Variants in SIAE observed in about 807,000 individuals in gnomAD.
SIAE encodes the protein sialate O-acetylesterase.
A neutral mutation model predicts 52.6 loss-of-function variants in SIAE; 39 were observed. The observed-to-expected ratio is 0.74, with a 90% CI of 0.57 to 0.97. SIAE has a LOEUF of 0.97. Among genes scored for constraint, SIAE ranks in the 50% least tolerant of loss-of-function variants. The pLI is 0.00. For missense variants in SIAE, 592 were observed against 662.1 expected, an observed-to-expected ratio of 0.89 and a Z score of 1.16; for synonymous variants, 233 against 241.4, an observed-to-expected ratio of 0.97 and a Z score of 0.32.
chr11:124,644,021 G>GA (rs1942889751), intron 7 of SIAE, among the ~76,000 whole-genome samples: 1 of 152,156 alleles, frequency 6.6e-6, no homozygotes, highest in South Asian at 2.1e-4. Flanking sequence ...TGCTCTCTGA[G>GA]TTGCTCCAGA....
In SIAE at chr11:124,648,105, G is replaced by C; in HGVS notation, c.793C>G (p.Leu265Val). 6.2e-7 allele frequency: 1 copy of C among 1,614,128 alleles called. No homozygotes were observed. Among genetic ancestry groups the C allele is most frequent in the Admixed American group, 1.7e-5 (1 of 60,028 alleles). ...SVLWNAMIHP[L>V]CNMTLKGVVW... ...ACCCCTTTCAGAGTCATATTGCACA[G>C]TGGATGGATCATGGCATTCCAGAGA... is the stretch of plus-strand genomic sequence containing the variant. The change falls in exon 6 of 10, where the codon CTG becomes GTG. Residue 265 changes from leucine (L) to valine (V), a missense_variant. Transcript: ENST00000263593.
chr11:124,649,379 C>G (rs1282635494), intron 5 of SIAE, among the ~76,000 whole-genome samples: 1 of 151,786 alleles, frequency 6.6e-6, no homozygotes, highest in East Asian at 1.9e-4. Flanking sequence ...AAAAAGCTTT[C>G]AGTAACCACT....
chr11:124,648,076 T>C lies in SIAE; in HGVS notation c.822A>G (p.Val274=), dbSNP rs573664867. ...PLCNMTLKGV[V]WYQGESNINY... ...ACACTGAACACTTACCCTGGTACCATACTACCCCTTTCAGAGTCATATTGC... is the reference window on the plus strand; with the variant it reads ...ACACTGAACACTTACCCTGGTACCACACTACCCCTTTCAGAGTCATATTGC... The change falls in exon 6 of 10, where the codon GTA becomes GTG. Residue 274 remains valine (V), a synonymous_variant. Transcript: ENST00000263593. 6.2e-6 allele frequency: 10 copies of C among 1,612,626 alleles called. No individual in the cohort carries two copies. In the South Asian group the frequency reaches 8.8e-5, roughly 14 times the overall value.
chr11:124,674,928 G>C (rs79581706), upstream of SIAE: 569 of 168,898 alleles, frequency 3.4e-3, 2 homozygotes, highest in Non-Finnish European at 5.4e-3. Flanking sequence ...ATTCCTGTGT[G>C]ATAGCAAAAA....
chr11:124,648,718 A>G (rs1299060646), intron 5 of SIAE, among the ~76,000 whole-genome samples: 2 of 150,968 alleles, frequency 1.3e-5, no homozygotes, highest in Non-Finnish European at 2.9e-5. Flanking sequence ...GAATATTTAT[A>G]TGAATTTATC....
upstream of SIAE, chr11:124,675,139 C>T (rs972006218): frequency 7.4e-6 from 9 of 1,220,160 alleles, no homozygotes; most frequent in Admixed American, 5.0e-5. Context: ...GAATTCAAGT[C>T]CAGATGTATG....
At chr11:124,646,448 T>C (rs1221989965) in intron 7 of SIAE, among the ~76,000 whole-genome samples, 2 of 152,074 alleles carry the variant, frequency 1.3e-5, no homozygotes, top group Non-Finnish European at 2.9e-5. Flanking sequence ...AACTAATATG[T>C]AGGCTGTCTG....
chr11:124,663,976 G>A (rs941927663), intron 2 of SIAE, among the ~76,000 whole-genome samples: 2 of 152,120 alleles, frequency 1.3e-5, no homozygotes, highest in Admixed American at 1.3e-4. Context: ...GCTATTCCAG[G>A]CCAGGCCCAG....
chr11:124,673,840 G>C, upstream of SIAE: 2 of 896,234 alleles, frequency 2.2e-6, no homozygotes, highest in South Asian at 3.6e-5. Flanking sequence ...GGACTGGGCT[G>C]TACTCGCCCC....
chr11:124,648,471 G>T (rs1042268488), intron 5 of SIAE, among the ~76,000 whole-genome samples: 1 of 120,534 alleles, frequency 8.3e-6, no homozygotes, highest in Non-Finnish European at 1.5e-5. Context: ...CTCACATTGT[G>T]GGGGGGGGCC....
intron 1 of SIAE, among the ~76,000 whole-genome samples, chr11:124,672,304 T>TGAGGAGCTCCGGATGCATTGGC (rs1431958908): frequency 2.0e-5 from 3 of 152,186 alleles, no homozygotes; most frequent in Admixed American, 6.5e-5. Context: ...TTGCCTCTGG[T>TGAGGAGCTCCGGATGCATTGGC]GAGGAGCTCC....
chr11:124,651,408 T>C (rs777926736), intron 4 of SIAE, among the ~76,000 whole-genome samples: 14 of 151,758 alleles, frequency 9.2e-5, no homozygotes, highest in Non-Finnish European at 1.9e-4. Flanking sequence ...ATTAGCTGGG[T>C]GTGGTGGCGC....
upstream of SIAE, chr11:124,675,419 G>A (rs755923651): frequency 6.9e-6 from 11 of 1,601,198 alleles, no homozygotes; most frequent in African/African-American, 1.4e-4. Flanking sequence ...AAAAGAGAGA[G>A]TAAGCTTTCT....
chr11:124,646,914 A>AC (rs1942943789), intron 7 of SIAE, among the ~76,000 whole-genome samples: 1 of 152,254 alleles, frequency 6.6e-6, no homozygotes, highest in African/African-American at 2.4e-5. Flanking sequence ...ATTGAAGATT[A>AC]ATATTTATTG....
chr11:124,637,138 T>C lies in SIAE; in HGVS notation c.1385A>G (p.Gln462Arg), dbSNP rs143668140. 1.4e-4 allele frequency: 218 copies of C among 1,614,006 alleles called. No individual in the cohort carries two copies. The highest frequency in any genetic ancestry group is 1.7e-4 in the Non-Finnish European group (198 of 1,180,030). Residue 462 changes from glutamine to arginine, a missense_variant, in exon 10 of 10, where the codon CAG (glutamine) becomes CGG (arginine). Gln to Arg is a conservative substitution (Grantham distance 43). Coordinates refer to ENST00000263593, the MANE Select transcript of SIAE (RefSeq NM_170601.5). ...AGAATCGATCGCCAGGGTCAGGGAC[T>C]GGGTGGAGACGGTGTTCATAGAAGC... ...LPASMNTVST[Q>R]SLTLAIDSCH...
chr11:124,651,296 C>T (rs909283905), intron 4 of SIAE, among the ~76,000 whole-genome samples: 3 of 152,028 alleles, frequency 2.0e-5, no homozygotes, highest in Non-Finnish European at 4.4e-5. Context: ...GCCTGTAATC[C>T]CAGCACTTTG....
intron 3 of SIAE, among the ~76,000 whole-genome samples, chr11:124,657,137 T>C (rs1943113941): frequency 6.6e-6 from 1 of 152,230 alleles, no homozygotes; most frequent in Admixed American, 6.5e-5. Context: ...AGCTCTAGGC[T>C]GTCAGGATTA....
At chr11:124,637,600 T>C (rs1352674524) in intron 9 of SIAE, among the ~76,000 whole-genome samples, 1 of 152,156 alleles carries the variant, frequency 6.6e-6, no homozygotes, top group Non-Finnish European at 1.5e-5. Context: ...CCAGAGCCAC[T>C]GCAGAATGAA....
chr11:124,665,342 A>G (rs1260796116), intron 2 of SIAE, among the ~76,000 whole-genome samples: 1 of 152,266 alleles, frequency 6.6e-6, no homozygotes, highest in East Asian at 1.9e-4. Flanking sequence ...CTGGGTTGGC[A>G]TACATAATAA....
Sources: allele counts gnomAD v4.1 joint callset (sites outside exome capture counted in the v4.1 genomes callset), GRCh38; gene constraint gnomAD v4.1.1; transcripts MANE v1.5; gene names NCBI Gene and HGNC (gene_info 2026-07-23, HGNC 2026-07-21).